The following CTNNA3 variants were observed in gnomAD, a reference collection of about 807,000 sequenced individuals.
The protein encoded by CTNNA3 is catenin alpha-3.
In CTNNA3, 76 loss-of-function variants were observed where a neutral mutation model predicts 95.7. The ratio of observed to expected loss-of-function variants is 0.79; its 90% CI spans 0.66 to 0.96. The LOEUF (loss-of-function observed/expected upper bound fraction) is 0.96, where lower values mean the gene tolerates loss of function less well. Ranked by LOEUF, CTNNA3 falls within the 40% of genes least tolerant of loss-of-function variation. CTNNA3 has a pLI of 0.00. For synonymous variants in CTNNA3, 431 were observed against 374.4 expected (o/e 1.15, Z -1.74); for missense variants, 1,191 against 1,089.8 (o/e 1.09, Z -1.31).
At chr10:66,511,323 CT>C (rs1285435383) in intron 11 of CTNNA3, among the ~76,000 whole-genome samples, 1 of 151,552 alleles carries the variant, frequency 6.6e-6, no homozygotes, top group African/African-American at 2.4e-5. Context: ...CAAAAACTAA[CT>C]TTTTTCATGA....
At chr10:66,221,449 A>G (rs1376537942) in intron 13 of CTNNA3, among the ~76,000 whole-genome samples, 3 of 152,198 alleles carry the variant, frequency 2.0e-5, no homozygotes, top group Non-Finnish European at 4.4e-5. Context: ...GAAAAAAATA[A>G]GCTTCTTAAT....
intron 3 of CTNNA3, among the ~76,000 whole-genome samples, chr10:67,547,040 G>T (rs1040020474): frequency 2.6e-5 from 4 of 152,030 alleles, no homozygotes; most frequent in African/African-American, 4.8e-5. Context: ...ACTAAAATAC[G>T]CAAAGCACTA....
intron 9 of CTNNA3, among the ~76,000 whole-genome samples, chr10:66,743,134 A>G (rs1849382668): frequency 1.3e-5 from 2 of 152,142 alleles, no homozygotes; most frequent in Non-Finnish European, 2.9e-5. Flanking sequence ...GAGCACCAAC[A>G]TGACTGGCTG....
chr10:67,576,198 G>T (rs1364097222), intron 3 of CTNNA3, among the ~76,000 whole-genome samples: 1 of 152,130 alleles, frequency 6.6e-6, no homozygotes, highest in East Asian at 1.9e-4. Context: ...TTATTTAAAA[G>T]CATGAAGCTT....
intron 11 of CTNNA3, among the ~76,000 whole-genome samples, chr10:66,444,469 A>G (rs9414930): frequency 0.42 from 63,488 of 152,126 alleles, 16,868 homozygotes; most frequent in East Asian, 0.87. Context: ...GACTAACAGT[A>G]GATCTCTTGG....
At chr10:67,334,211 G>T in intron 5 of CTNNA3, 1 of 157,580 alleles carries the variant, frequency 6.3e-6, no homozygotes, top group South Asian at 1.8e-4. Flanking sequence ...TCCCCTGTTT[G>T]AGAAAAGGTC....
intron 1 of CTNNA3, among the ~76,000 whole-genome samples, chr10:67,664,315 A>G (rs1366540742): frequency 6.6e-6 from 1 of 152,166 alleles, no homozygotes; most frequent in Non-Finnish European, 1.5e-5. Context: ...TTGGGGCCAC[A>G]TTTACTTTCA....
chr10:67,526,682 A>G (rs1840154927), intron 4 of CTNNA3, among the ~76,000 whole-genome samples: 1 of 152,234 alleles, frequency 6.6e-6, no homozygotes, highest in Non-Finnish European at 1.5e-5. Flanking sequence ...GACATGTAAG[A>G]AACAGAGGAA....
intron 9 of CTNNA3, among the ~76,000 whole-genome samples, chr10:66,685,209 A>ATATATGTGTATATATATG: frequency 2.8e-5 from 1 of 36,312 alleles, no homozygotes; most frequent in South Asian, 9.8e-4. Context: ...ATATATACGT[A>ATATATGTGTATATATATG]TATATATGTG....
At chr10:67,271,906 C>T (rs549617944) in intron 5 of CTNNA3, among the ~76,000 whole-genome samples, 2 of 152,302 alleles carry the variant, frequency 1.3e-5, no homozygotes, top group African/African-American at 4.8e-5. Flanking sequence ...TAGTTCACAG[C>T]ATAAACCACC....
chr10:67,120,309 G>C (rs1859395999), intron 7 of CTNNA3, among the ~76,000 whole-genome samples: 2 of 151,934 alleles, frequency 1.3e-5, no homozygotes, highest in South Asian at 4.1e-4. Context: ...TATACTACGA[G>C]GGAAAGCAAC....
At chr10:66,472,251 T>C (rs1374855043) in intron 11 of CTNNA3, among the ~76,000 whole-genome samples, 1 of 151,664 alleles carries the variant, frequency 6.6e-6, no homozygotes, top group African/African-American at 2.4e-5. Context: ...GAGAAAAGTG[T>C]GATTTACACA....
upstream of CTNNA3, among the ~76,000 whole-genome samples, chr10:67,699,138 A>C (rs1841013028): frequency 1.3e-5 from 2 of 152,134 alleles, no homozygotes; most frequent in African/African-American, 4.8e-5. Context: ...CACCTCACAC[A>C]CTGCATTATC....
At chr10:66,499,786 C>T (rs1454539290) in intron 11 of CTNNA3, among the ~76,000 whole-genome samples, 1 of 150,180 alleles carries the variant, frequency 6.7e-6, no homozygotes, top group African/African-American at 2.4e-5. Context: ...AATGGTTCCA[C>T]ACATTAACAG....
intron 9 of CTNNA3, among the ~76,000 whole-genome samples, chr10:66,661,479 A>T (rs1846263457): frequency 6.6e-6 from 1 of 152,184 alleles, no homozygotes; most frequent in Admixed American, 6.5e-5. Flanking sequence ...TGGTGAGGAC[A>T]CAGCCAACCC....
At chr10:66,110,736 A>G (rs2082092165) in intron 13 of CTNNA3, among the ~76,000 whole-genome samples, 2 of 152,114 alleles carry the variant, frequency 1.3e-5, no homozygotes, top group Admixed American at 1.3e-4. Flanking sequence ...AACATATTCG[A>G]TTGTCTTACA....
chr10:65,966,042 A>T (rs1412862731), intron 17 of CTNNA3, among the ~76,000 whole-genome samples: 1 of 152,182 alleles, frequency 6.6e-6, no homozygotes, highest in African/African-American at 2.4e-5. Context: ...GGTATACATT[A>T]GTTCTACCAT....
At chr10:66,616,745 ACCCAGGAC>A (rs1844529104) in intron 10 of CTNNA3, among the ~76,000 whole-genome samples, 1 of 151,964 alleles carries the variant, frequency 6.6e-6, no homozygotes, top group African/African-American at 2.4e-5. Flanking sequence ...GCTCCTCCTG[ACCCAGGAC>A]TTAACTGACT....
At position 66,717,911 on chromosome 10, in the gene CTNNA3, G is replaced by A. The variant is rs148870166; in HGVS notation, c.1281+48353C>T. On this transcript the variant is annotated intron_variant, in intron 9 of 17. Coordinates refer to ENST00000433211, the MANE Select transcript of CTNNA3 (RefSeq NM_013266.4). The stretch of plus-strand genomic sequence containing the variant: ...TCTGCCCTTATGAACCCAGTGTGTG[G>A]TTGTGAGTAATAAATGAAAAGGTAG... 7.3e-3 allele frequency among the ~76,000 whole-genome samples: 1,111 copies of A among 152,252 alleles called. 11 individuals carry two copies. Among genetic ancestry groups the A allele is most frequent in the South Asian group, 0.024 (114 of 4,820 alleles).
Sources: allele counts gnomAD v4.1 joint callset (sites outside exome capture counted in the v4.1 genomes callset), GRCh38; gene constraint gnomAD v4.1.1; transcripts MANE v1.5; gene names NCBI Gene and HGNC (gene_info 2026-07-23, HGNC 2026-07-21).